Variants in MYH13 observed in about 807,000 individuals in gnomAD.
The protein encoded by MYH13 is myosin heavy chain 13.
MYH13 carries 177 observed loss-of-function variants against 232.1 expected under a neutral mutation model. The observed-to-expected ratio is 0.76, with a 90% CI of 0.67 to 0.86. The LOEUF (loss-of-function observed/expected upper bound fraction) is 0.86. Ranked by LOEUF, MYH13 falls within the 40% of genes least tolerant of loss-of-function variation. The pLI, the probability that MYH13 is intolerant of heterozygous loss-of-function variation, is 0.00. For missense variants in MYH13, 2,246 were observed against 2,405.9 expected (o/e 0.93, Z 1.39); for synonymous variants, 884 against 923.5 (o/e 0.96, Z 0.78).
chr17:10,335,347 A>G (rs890664616), intron 18 of MYH13, among the ~76,000 whole-genome samples: 1 of 152,246 alleles, frequency 6.6e-6, no homozygotes, highest in Non-Finnish European at 1.5e-5. Context: ...CAAATATTCC[A>G]ATATCCACAG....
chr17:10,311,888 C>T, intron 32 of MYH13, 23 bp downstream of exon 32: 6 of 1,613,538 alleles, frequency 3.7e-6, no homozygotes, highest in Non-Finnish European at 4.2e-6. Flanking sequence ...ACATAGCACA[C>T]ACCAGTGGTG....
At position 10,309,588 on chromosome 17, in the gene MYH13, C is replaced by T; in HGVS notation, c.4899G>A (p.Leu1633=). 3 of 1,613,430 alleles carry T rather than the reference C, an allele frequency of 1.9e-6. No homozygotes were observed. Among genetic ancestry groups the T allele is most frequent in the Non-Finnish European group, 1.7e-6 (2 of 1,179,760 alleles). ...EGDLNEMEIQ[L]GHSNRQMAET... ...CTGCCATCTGGCGGTTGGAGTGGCC[C>T]AGCTGAATCTCCATCTCATTAAGGT... is the stretch of plus-strand genomic sequence containing the variant. Residue 1633 remains leucine (L), a synonymous_variant, in exon 34 of 41, where the codon CTG becomes CTA. Transcript: ENST00000252172.
intron 23 of MYH13, 82 bp from the exon 24 acceptor site, chr17:10,321,790 C>G: frequency 1.5e-6 from 2 of 1,320,130 alleles, no homozygotes; most frequent in East Asian, 2.3e-5. Flanking sequence ...CTTCTTTGCT[C>G]ATTTTTCCTT....
At chr17:10,337,916 G>T (rs1482747158) in intron 18 of MYH13, among the ~76,000 whole-genome samples, 4 of 152,196 alleles carry the variant, frequency 2.6e-5, no homozygotes, top group Non-Finnish European at 5.9e-5. Context: ...AGCTGGGCAT[G>T]ATGATGTGTG....
chr17:10,350,478 T>C, intron 12 of MYH13, 78 bp downstream of exon 12: 2 of 1,532,378 alleles, frequency 1.3e-6, no homozygotes, highest in Non-Finnish European at 1.8e-6. Flanking sequence ...TTGAAATGAA[T>C]GCAGTTTATC....
intron 39 of MYH13, among the ~76,000 whole-genome samples, chr17:10,302,453 G>C (rs1305892360): frequency 6.6e-6 from 1 of 152,148 alleles, no homozygotes; most frequent in Non-Finnish European, 1.5e-5. Context: ...ACTTTGTAGA[G>C]TTGATGACAT....
In MYH13 at chr17:10,353,017, G is replaced by A. The variant is rs1286265140; in HGVS notation, c.1005+1663C>T. On this transcript the variant is annotated intron_variant, in intron 11 of 40. Coordinates refer to ENST00000252172, the MANE Select transcript of MYH13 (RefSeq NM_003802.3). ...AGCAGCTGAGTCTCAGCCAATCACA[G>A]CAGCTGAGCTTCAGCCAATCACAGG... 2.0e-5 allele frequency among the ~76,000 whole-genome samples: 3 copies of A among 152,108 alleles called. No homozygotes were observed. The East Asian group carries it at 5.8e-4, about 29-fold the overall frequency.
intron 18 of MYH13, among the ~76,000 whole-genome samples, chr17:10,339,086 C>T (rs1157652097): frequency 6.6e-6 from 1 of 151,912 alleles, no homozygotes; most frequent in Non-Finnish European, 1.5e-5. Flanking sequence ...TGAACTTTTC[C>T]CCCCCAACCC....
chr17:10,360,150 G>A lies in MYH13; in HGVS notation c.533+11C>T, dbSNP rs768851633. The A allele has an allele frequency of 5.0e-6, 8 of 1,614,100 alleles. No homozygotes were observed. Among genetic ancestry groups the A allele is most frequent in the Middle Eastern group, 1.6e-4 (1 of 6,062 alleles). ...TTCCAAGTCATGATGGTACAAAGAG[G>A]TGTTACTCACGTGATGAGGATAGAC... On this transcript the variant is annotated intron_variant, in intron 6 of 40. Transcript: ENST00000252172.
rs1906316628 is a variant in MYH13 at position 10,307,044 on chromosome 17, G to C, written c.5190C>G (p.Thr1730=). 2 of 1,613,768 alleles carry C rather than the reference G, an allele frequency of 1.2e-6. No individual in the cohort carries two copies. The highest frequency in any genetic ancestry group is 1.1e-5 in the South Asian group (1 of 91,068). The change falls in exon 36 of 41, where the codon ACC becomes ACG. Residue 1730 remains threonine, a synonymous_variant. Coordinates refer to ENST00000252172, the MANE Select transcript of MYH13 (RefSeq NM_003802.3). ...LHSQNTSLIN[T]KKKLEADIAQ... is the part of the protein sequence containing the mutation. ...CTATGTCAGCCTCCAGTTTTTTCTT[G>C]GTATTTATCAGGCTTGTGTTCTACA...
rs34889608 is a variant in MYH13 at position 10,306,220 on chromosome 17, A to ATGTG, written c.5466+235_5466+238dup. ...CTGAGGTGTGAGCATACCAAAATAG[A>ATGTG]TGTGTGTGTGTGTGTGTGTGTGTGT... On this transcript the variant is annotated intron_variant, in intron 37 of 40. Coordinates refer to ENST00000252172, the MANE Select transcript of MYH13 (RefSeq NM_003802.3). This position sits in a 1 kb window ranked among gnomAD's most constrained non-coding sequence, Gnocchi z 4.3. Among the ~76,000 whole-genome samples, 8,231 of 129,892 alleles carry ATGTG rather than the reference A, an allele frequency of 0.063. 305 individuals carry two copies. Among genetic ancestry groups the ATGTG allele is most frequent in the African/African-American group, 0.11 (3,630 of 34,478 alleles). 85.2% of individuals were successfully genotyped at this position (129,892 alleles called of 152,430 possible). A position where few individuals can be genotyped will look rare whatever the true frequency, so the allele number is the denominator to read the frequency against.
At chr17:10,359,873 C>T (rs926490553) in intron 7 of MYH13, 87 bp downstream of exon 7, 11 of 1,215,918 alleles carry the variant, frequency 9.0e-6, no homozygotes, top group Middle Eastern at 2.7e-4. Context: ...TTCTACTGAG[C>T]GCATACCCTG....
At chr17:10,327,747 A>T in intron 22 of MYH13, 119 bp downstream of exon 22, 1 of 1,306,698 alleles carries the variant, frequency 7.7e-7, no homozygotes, top group Non-Finnish European at 1.1e-6. Flanking sequence ...AATACTCCAC[A>T]TGACCACTGG....
chr17:10,322,859 T>C (rs1907020432), intron 23 of MYH13, among the ~76,000 whole-genome samples: 1 of 152,122 alleles, frequency 6.6e-6, no homozygotes, highest in Non-Finnish European at 1.5e-5. Flanking sequence ...GGTCTCGATC[T>C]CCTGACCTCG....
chr17:10,339,443 G>T (rs1179267866), intron 18 of MYH13, among the ~76,000 whole-genome samples: 2 of 152,172 alleles, frequency 1.3e-5, no homozygotes, highest in African/African-American at 2.4e-5. Context: ...CGCGTATCTT[G>T]CAGAGAACTG....
rs1906161637 is a variant in MYH13, at chr17:10,303,262, C to G, written c.5601G>C (p.Arg1867Ser). 1.2e-6 allele frequency: 2 copies of G among 1,613,596 alleles called. No homozygotes were observed. Among genetic ancestry groups the G allele is most frequent in the South Asian group, 1.1e-5 (1 of 91,040 alleles). The stretch of plus-strand genomic sequence containing the variant: ...GCAGCTTGTCCACCAGGTCCTGGAG[C>G]CTAAGGATATTCTTGTGGTCCTCCT... The part of the protein sequence containing the change: ...QAEEDHKNIL[R>S]LQDLVDKLQA... Residue 1867 changes from arginine to serine, a missense_variant, in exon 39 of 41, where the codon AGG becomes AGC. Arg to Ser is a moderately radical substitution (Grantham distance 110). Coordinates refer to ENST00000252172, the MANE Select transcript of MYH13 (RefSeq NM_003802.3).
rs144914446 is a variant in MYH13, at chr17:10,339,125, T to C, written c.2056+1025A>G. Among the ~76,000 whole-genome samples, 208 of 150,876 alleles carry C rather than the reference T, an allele frequency of 1.4e-3. 1 individual carries two copies. The highest frequency in any genetic ancestry group is 5.0e-3 in the African/African-American group (204 of 41,086). ...GACAACGTATACCTCTGTTCACTCA[T>C]AATGTTGCAGAGGCAGAATGTTTAA... is the stretch of plus-strand genomic sequence containing the variant. On this transcript the variant is annotated intron_variant, in intron 18 of 40. Coordinates refer to ENST00000252172, the MANE Select transcript of MYH13 (RefSeq NM_003802.3).
chr17:10,360,216 A>G lies in MYH13; in HGVS notation c.506-28T>C, dbSNP rs1298471335. 3.1e-6 allele frequency: 5 copies of G among 1,607,012 alleles called. No individual in the cohort carries two copies. The South Asian group carries it at 5.6e-5, about 18-fold the overall frequency. On this transcript the variant is annotated intron_variant, in intron 5 of 40. Coordinates refer to ENST00000252172, the MANE Select transcript of MYH13 (RefSeq NM_003802.3). ...AGAAATGCAGAGGGAAGCAAAACAA[A>G]ACAAATAAACAACAAACAGAATGTT...
At chr17:10,354,849 C>T in intron 10 of MYH13, 46 bp downstream of exon 10, 1 of 1,588,244 alleles carries the variant, frequency 6.3e-7, no homozygotes, top group Non-Finnish European at 8.6e-7. Flanking sequence ...TTTTTTTTCC[C>T]AACGTCACCG....
Sources: gnomAD v4.1 joint callset for allele counts (sites outside exome capture counted in the v4.1 genomes callset) on GRCh38, gnomAD v4.1.1 for gene constraint, Gnocchi (gnomAD v3.1) non-coding constraint, MANE v1.5 for transcripts, NCBI Gene and HGNC (gene_info 2026-07-23, HGNC 2026-07-21) for gene names.